The following NELL2 variants were observed in gnomAD, a reference collection of about 807,000 sequenced individuals.
NELL2 encodes protein kinase C-binding protein NELL2.
NELL2 carries 41 observed loss-of-function variants against 109.6 expected under a neutral mutation model. The observed-to-expected ratio is 0.37, with a 90% confidence interval of 0.29 to 0.49. The LOEUF (loss-of-function observed/expected upper bound fraction) is 0.49. NELL2 is among the 20% of genes least tolerant of loss of function. The pLI is 0.98. For synonymous variants in NELL2, 355 were observed against 344.7 expected (o/e 1.03, Z -0.33); for missense variants, 900 against 1,008.3 (o/e 0.89, Z 1.45).
intron 13 of NELL2, among the ~76,000 whole-genome samples, chr12:44,612,400 G>A (rs1039086273): frequency 3.3e-5 from 5 of 151,466 alleles, no homozygotes. Context: ...CAATCACCAA[G>A]GTTCTAGAAC....
chr12:44,778,493 G>A (rs930477793), intron 5 of NELL2, among the ~76,000 whole-genome samples: 12 of 152,090 alleles, frequency 7.9e-5, no homozygotes, highest in African/African-American at 2.7e-4. Flanking sequence ...CTACAATAAA[G>A]AGAATGACCC....
intron 11 of NELL2, among the ~76,000 whole-genome samples, chr12:44,704,826 C>A (rs112254591): frequency 0.059 from 9,029 of 151,952 alleles, 894 homozygotes; most frequent in African/African-American, 0.2. Context: ...GGAGGCCAGC[C>A]TGGCCAACAT....
At chr12:44,722,292 A>T (rs1938819449) in intron 9 of NELL2, among the ~76,000 whole-genome samples, 1 of 152,040 alleles carries the variant, frequency 6.6e-6, no homozygotes, top group African/African-American at 2.4e-5. Flanking sequence ...CAGCCTCCTG[A>T]GTAGTTGGGA....
chr12:44,514,736 TTTTTC>T (rs1057308513), intron 19 of NELL2, among the ~76,000 whole-genome samples: 1 of 151,364 alleles, frequency 6.6e-6, no homozygotes, highest in Non-Finnish European at 1.5e-5. Flanking sequence ...AAATATACCA[TTTTTC>T]TTTTCTTAAT....
chr12:44,633,957 A>C (rs1375879696), intron 13 of NELL2, among the ~76,000 whole-genome samples: 1 of 152,108 alleles, frequency 6.6e-6, no homozygotes, highest in Non-Finnish European at 1.5e-5. Context: ...GACATAATAA[A>C]AGGTTGCCAG....
chr12:44,723,441 T>C (rs1938899191), intron 9 of NELL2, among the ~76,000 whole-genome samples: 1 of 152,196 alleles, frequency 6.6e-6, no homozygotes, highest in Non-Finnish European at 1.5e-5. Flanking sequence ...TGTTTGAAAA[T>C]AATCAGTTAA....
At chr12:44,522,581 T>A (rs990177224) in intron 17 of NELL2, among the ~76,000 whole-genome samples, 2 of 152,160 alleles carry the variant, frequency 1.3e-5, no homozygotes, top group Admixed American at 6.5e-5. Flanking sequence ...CATATATATA[T>A]TACTAAATTT....
intron 13 of NELL2, among the ~76,000 whole-genome samples, chr12:44,660,343 A>G (rs2136330898): frequency 6.6e-6 from 1 of 152,332 alleles, no homozygotes; most frequent in South Asian, 2.1e-4. Context: ...TGTGCCAGAT[A>G]TCTTGTAAAG....
intron 12 of NELL2, among the ~76,000 whole-genome samples, chr12:44,692,907 G>A (rs747629204): frequency 3.3e-5 from 5 of 152,120 alleles, no homozygotes; most frequent in African/African-American, 7.2e-5. Flanking sequence ...TCTACTCCTG[G>A]TAAAGATGCT....
intron 15 of NELL2, among the ~76,000 whole-genome samples, chr12:44,540,342 T>C (rs371305455): frequency 6.6e-6 from 1 of 152,028 alleles, no homozygotes; most frequent in East Asian, 1.9e-4. Context: ...AGAATACAGG[T>C]GAAGTGGTAG....
At chr12:44,872,039 G>C (rs983109306) in intron 2 of NELL2, among the ~76,000 whole-genome samples, 4 of 152,084 alleles carry the variant, frequency 2.6e-5, no homozygotes, top group African/African-American at 7.2e-5. Context: ...TCCTAGAATG[G>C]TGCTTCTGTA....
In NELL2 at chr12:44,813,773, A is replaced by T. The variant is rs538445398; in HGVS notation, c.335+2213T>A. 2.2e-4 allele frequency among the ~76,000 whole-genome samples: 34 copies of T among 152,138 alleles called. 1 individual carries two copies. The highest frequency in any genetic ancestry group is 4.4e-4 in the Non-Finnish European group (30 of 68,028). ...GTTTTCCAAATTTTTTCTACAACGA[A>T]AACATACTTCTATAATCTAAAACAA... is the stretch of plus-strand genomic sequence containing the variant. On this transcript the variant is annotated intron_variant, in intron 3 of 19. Transcript: ENST00000429094.
At chr12:44,609,566 T>C (rs895612695) in intron 14 of NELL2, among the ~76,000 whole-genome samples, 3 of 152,136 alleles carry the variant, frequency 2.0e-5, no homozygotes, top group Admixed American at 2.0e-4. Context: ...TGCTGTACTA[T>C]ACTTTACATT....
intron 13 of NELL2, among the ~76,000 whole-genome samples, chr12:44,626,329 G>C (rs537639425): frequency 8.5e-5 from 13 of 152,130 alleles, no homozygotes; most frequent in Non-Finnish European, 1.8e-4. Flanking sequence ...TCCTTGAATA[G>C]CTAAAGCATT....
intron 2 of NELL2, among the ~76,000 whole-genome samples, chr12:44,842,689 C>T (rs1944263188): frequency 6.6e-6 from 1 of 152,044 alleles, no homozygotes; most frequent in South Asian, 2.1e-4. Context: ...AAAATTCATG[C>T]CCACTGGAAC....
intron 15 of NELL2, among the ~76,000 whole-genome samples, chr12:44,589,905 G>A (rs1444029798): frequency 1.3e-5 from 2 of 152,098 alleles, no homozygotes; most frequent in Non-Finnish European, 2.9e-5. Context: ...TTACTTGAAT[G>A]ACTGGTGTCC....
intron 9 of NELL2, among the ~76,000 whole-genome samples, chr12:44,739,573 G>A (rs1758429352): frequency 6.6e-6 from 1 of 152,112 alleles, no homozygotes; most frequent in South Asian, 2.1e-4. Flanking sequence ...TTATATTATA[G>A]AAAATTCAAA....
intron 15 of NELL2, among the ~76,000 whole-genome samples, chr12:44,556,342 AGGATAGGCAGAGCTT>A (rs1299942717): frequency 6.6e-6 from 1 of 152,168 alleles, no homozygotes; most frequent in African/African-American, 2.4e-5. Context: ...GTGGGAAAAA[AGGATAGGCAGAGCTT>A]GTCCTTGGGG....
At chr12:44,580,667 C>T (rs1376167130) in intron 15 of NELL2, among the ~76,000 whole-genome samples, 3 of 152,192 alleles carry the variant, frequency 2.0e-5, no homozygotes, top group South Asian at 2.1e-4. Context: ...GAGCCAAAAT[C>T]GCGCTACTGC....
Sources: allele counts gnomAD v4.1 joint callset (sites outside exome capture counted in the v4.1 genomes callset), GRCh38; gene constraint gnomAD v4.1.1; transcripts MANE v1.5; gene names NCBI Gene and HGNC (gene_info 2026-07-23, HGNC 2026-07-21).